Variants in KCNMA1 observed in about 807,000 individuals in gnomAD.
KCNMA1 encodes the protein Calcium-activated potassium channel subunit alpha-1.
In KCNMA1, 29 loss-of-function variants were observed where a neutral mutation model predicts 140.0. That is an observed-to-expected ratio of 0.21 (90% CI 0.15 to 0.28). The LOEUF (loss-of-function observed/expected upper bound fraction) is 0.28, where lower values mean the gene tolerates loss of function less well. KCNMA1 is among the 10% of genes least tolerant of loss of function. The pLI is 1.00. For synonymous variants in KCNMA1, 612 were observed against 611.9 expected (o/e 1.00, Z 0.00); for missense variants, 880 against 1,602.2 (o/e 0.55, Z 7.70).
chr10:77,135,386 T>C (rs1321106336), intron 5 of KCNMA1, among the ~76,000 whole-genome samples: 1 of 152,112 alleles, frequency 6.6e-6, no homozygotes, highest in African/African-American at 2.4e-5. Context: ...TTGCATACTG[T>C]TGATGGGAAG....
At chr10:76,996,626 G>A (rs1483052058) in intron 19 of KCNMA1, among the ~76,000 whole-genome samples, 1 of 152,288 alleles carries the variant, frequency 6.6e-6, no homozygotes, top group African/African-American at 2.4e-5. Flanking sequence ...GAGAGAGAGC[G>A]CACTCACATC....
chr10:76,995,319 T>C (rs1324697533), intron 19 of KCNMA1: 2 of 228,424 alleles, frequency 8.8e-6, no homozygotes, highest in South Asian at 6.0e-5. Flanking sequence ...TAATAACTCT[T>C]TGTTAATAAG....
intron 23 of KCNMA1, among the ~76,000 whole-genome samples, chr10:76,928,889 G>T (rs1207992226): frequency 6.6e-6 from 1 of 152,120 alleles, no homozygotes; most frequent in African/African-American, 2.4e-5. Context: ...TTCTGAAAAT[G>T]GAGACAAAAC....
chr10:76,986,604 C>G (rs143550101), intron 19 of KCNMA1, among the ~76,000 whole-genome samples: 29 of 152,290 alleles, frequency 1.9e-4, no homozygotes, highest in African/African-American at 7.0e-4. Flanking sequence ...GGGGGCTTAC[C>G]CTGCCTAGAT....
chr10:77,406,346 C>G (rs1444942694), intron 1 of KCNMA1, among the ~76,000 whole-genome samples: 1 of 152,108 alleles, frequency 6.6e-6, no homozygotes, highest in Non-Finnish European at 1.5e-5. Context: ...GTACTGCCAG[C>G]CCCTCAGGCA....
intron 14 of KCNMA1, among the ~76,000 whole-genome samples, chr10:77,058,672 G>T (rs575670751): frequency 6.6e-6 from 1 of 152,004 alleles, no homozygotes; most frequent in African/African-American, 2.4e-5. Context: ...ATGGATCAAA[G>T]AAGTTTCATG....
intron 1 of KCNMA1, among the ~76,000 whole-genome samples, chr10:77,426,483 A>C (rs759606843): frequency 3.3e-5 from 5 of 152,222 alleles, no homozygotes; most frequent in Non-Finnish European, 5.9e-5. Flanking sequence ...ACTCGAGGTC[A>C]CACAGTTATA....
At chr10:77,351,350 C>T (rs2092854697) in intron 2 of KCNMA1, among the ~76,000 whole-genome samples, 1 of 152,180 alleles carries the variant, frequency 6.6e-6, no homozygotes, top group South Asian at 2.1e-4. Context: ...CTTCTGGAAA[C>T]CAGAATTTCT....
Position 77,108,289 on chromosome 10 carries a change from C to T in KCNMA1, c.1223+192G>A. 2.7e-6 allele frequency: 4 copies of T among 1,480,730 alleles called. No individual in the cohort carries two copies. The highest frequency in any genetic ancestry group is 3.6e-6 in the Non-Finnish European group (4 of 1,123,466). 91.7% of individuals were successfully genotyped at this position (1,480,730 alleles called of 1,614,324 possible). On this transcript the variant is annotated intron_variant, in intron 9 of 27. Transcript: ENST00000286628. The surrounding 1 kb of genome is among the most constrained non-coding windows in gnomAD (Gnocchi z 4.6). ...TTTTCTGATGCAACTGACTTACTTT[C>T]TGCCTCCATGTTTGTTAAAAGTCCC... is the stretch of plus-strand genomic sequence containing the variant.
At chr10:77,465,184 G>A (rs191150001) in intron 1 of KCNMA1, among the ~76,000 whole-genome samples, 1 of 152,268 alleles carries the variant, frequency 6.6e-6, no homozygotes, top group Non-Finnish European at 1.5e-5. Context: ...GTGGCAATGA[G>A]GCCTTTGCAT....
At chr10:77,150,035 G>C (rs978320413) in intron 5 of KCNMA1, 21 of 152,052 alleles carry the variant, frequency 1.4e-4, no homozygotes, top group African/African-American at 4.6e-4. Context: ...AGTTGGTCTC[G>C]GGCTATGAAA....
chr10:77,059,000 TAAC>T (rs2095643505), intron 14 of KCNMA1, among the ~76,000 whole-genome samples: 2 of 151,474 alleles, frequency 1.3e-5, no homozygotes, highest in South Asian at 4.2e-4. Context: ...AAGACACAAA[TAAC>T]AAAATCAAGA....
At chr10:77,385,796 A>C (rs2095581532) in intron 2 of KCNMA1, among the ~76,000 whole-genome samples, 1 of 152,204 alleles carries the variant, frequency 6.6e-6, no homozygotes, top group Non-Finnish European at 1.5e-5. Context: ...TTGGAAAGCC[A>C]CTGAAGGTCT....
rs2041090854 is a variant in KCNMA1, at chr10:77,197,868, A to G, written c.603-12952T>C. On this transcript the variant is annotated intron_variant, in intron 3 of 27. Coordinates refer to ENST00000286628, the MANE Select transcript of KCNMA1 (RefSeq NM_001161352.2). ...AGAGAGGTGAGTTACTTCAGCAATG[A>G]GAGACACAGGCAGAAAAATGTTCAA... Among the ~76,000 whole-genome samples the G allele has an allele frequency of 2.0e-5, 3 of 152,200 alleles. No individual in the cohort carries two copies. The South Asian group carries it at 6.2e-4, about 32-fold the overall frequency.
At chr10:76,879,189 T>C (rs1454788113) in intron 29 of KCNMA1, among the ~76,000 whole-genome samples, 1 of 152,112 alleles carries the variant, frequency 6.6e-6, no homozygotes, top group Non-Finnish European at 1.5e-5. Flanking sequence ...CCTCAGTTCC[T>C]ACTTCTGCTG....
At chr10:76,984,975 G>A (rs1256731285) in intron 19 of KCNMA1, among the ~76,000 whole-genome samples, 4 of 152,196 alleles carry the variant, frequency 2.6e-5, no homozygotes, top group South Asian at 4.1e-4. Flanking sequence ...TCCAGGTAGA[G>A]GGTTTATTTC....
At chr10:77,307,643 T>C (rs1471352063) in intron 2 of KCNMA1, among the ~76,000 whole-genome samples, 1 of 152,086 alleles carries the variant, frequency 6.6e-6, no homozygotes, top group African/African-American at 2.4e-5. Flanking sequence ...ACCTCCCAGG[T>C]TCAGGCCATT....
At chr10:77,632,235 T>G (rs1406062450) in intron 1 of KCNMA1, among the ~76,000 whole-genome samples, 1 of 150,344 alleles carries the variant, frequency 6.7e-6, no homozygotes, top group East Asian at 1.9e-4. Context: ...AAGGCAGGTG[T>G]GCCACAGAAC....
chr10:77,206,396 T>C (rs1449410796), intron 3 of KCNMA1, among the ~76,000 whole-genome samples: 2 of 152,186 alleles, frequency 1.3e-5, no homozygotes. Context: ...GGAGTTTAAA[T>C]GAGTTAAAAC....
Sources: gnomAD v4.1 joint callset for allele counts (sites outside exome capture counted in the v4.1 genomes callset) on GRCh38, gnomAD v4.1.1 for gene constraint, Gnocchi (gnomAD v3.1) non-coding constraint, MANE v1.5 for transcripts, NCBI Gene and HGNC (gene_info 2026-07-23, HGNC 2026-07-21) for gene names.